CHST9: variants seen among roughly 807,000 people sequenced by gnomAD.
The protein encoded by CHST9 is GalNAc-4-sulfotransferase 2.
CHST9 carries 41 observed loss-of-function variants against 44.4 expected under a neutral mutation model. The ratio of observed to expected loss-of-function variants is 0.92; its 90% CI spans 0.72 to 1.20. The LOEUF (loss-of-function observed/expected upper bound fraction) is 1.20, where lower values mean the gene tolerates loss of function less well. Ranked by LOEUF, CHST9 falls within the 50% of genes most tolerant of loss-of-function variation. The pLI is 0.00. For missense variants in CHST9, 504 were observed against 516.5 expected, an observed-to-expected ratio of 0.98 and a Z score of 0.23; for synonymous variants, 171 against 178.4, an observed-to-expected ratio of 0.96 and a Z score of 0.33.
intron 4 of CHST9, among the ~76,000 whole-genome samples, chr18:27,014,209 T>G (rs2057119199): frequency 6.6e-6 from 1 of 152,056 alleles, no homozygotes; most frequent in Non-Finnish European, 1.5e-5. Context: ...AAAACTAATT[T>G]AAAAGTCAAA....
chr18:26,959,069 G>A (rs1402271017), intron 4 of CHST9, among the ~76,000 whole-genome samples: 1 of 152,050 alleles, frequency 6.6e-6, no homozygotes, highest in Non-Finnish European at 1.5e-5. Flanking sequence ...ATCAACCTAG[G>A]TGCCCATCAA....
intron 5 of CHST9, among the ~76,000 whole-genome samples, chr18:26,931,519 C>G (rs2055877165): frequency 1.3e-5 from 2 of 152,304 alleles, no homozygotes; most frequent in Middle Eastern, 6.8e-3. Context: ...ATTCACAGAC[C>G]TGTGGGAAGA....
chr18:27,072,451 A>C (rs1458151350), intron 2 of CHST9, among the ~76,000 whole-genome samples: 1 of 152,042 alleles, frequency 6.6e-6, no homozygotes, highest in Non-Finnish European at 1.5e-5. Flanking sequence ...TTCCTTAGCA[A>C]CTTCTTGGCA....
chr18:26,922,717 C>A (rs2145063087), intron 5 of CHST9, among the ~76,000 whole-genome samples: 1 of 152,210 alleles, frequency 6.6e-6, no homozygotes, highest in South Asian at 2.1e-4. Flanking sequence ...CTTACTGCAG[C>A]CTCTGCCTCC....
Position 27,143,842 on chromosome 18 carries a change from T to C in CHST9, c.-96-937A>G, listed in dbSNP as rs572141133. On this transcript the variant is annotated intron_variant, in intron 1 of 5. Coordinates refer to ENST00000618847, the MANE Select transcript of CHST9 (RefSeq NM_031422.6). ...AGCATTAGGACAAATACCTAATGTA[T>C]GCGGAGCTTAAATCCTAGATGACGG... Among the ~76,000 whole-genome samples the C allele has an allele frequency of 8.8e-4, 134 of 152,206 alleles. 1 individual carries two copies. The highest frequency in any genetic ancestry group is 2.7e-3 in the African/African-American group (113 of 41,514).
chr18:26,924,545 T>A, intron 5 of CHST9: 1 of 827,166 alleles, frequency 1.2e-6, no homozygotes, highest in Non-Finnish European at 1.5e-6. Flanking sequence ...TTACTCTTAA[T>A]AATGTATCTT....
At chr18:27,075,090 G>A (rs2057887941) in intron 2 of CHST9, among the ~76,000 whole-genome samples, 1 of 150,878 alleles carries the variant, frequency 6.6e-6, no homozygotes, top group Non-Finnish European at 1.5e-5. Flanking sequence ...CTAAATTGGT[G>A]CAGCCATTGC....
At chr18:27,153,459 C>T (rs2143904019) in intron 1 of CHST9, among the ~76,000 whole-genome samples, 1 of 151,848 alleles carries the variant, frequency 6.6e-6, no homozygotes, top group South Asian at 2.1e-4. Context: ...GTCTCTGCCT[C>T]CCACTTCACA....
intron 2 of CHST9, among the ~76,000 whole-genome samples, chr18:27,075,777 T>C (rs1267195972): frequency 6.6e-6 from 1 of 152,172 alleles, no homozygotes; most frequent in Non-Finnish European, 1.5e-5. Context: ...TAAGAATGAC[T>C]AAAATTGATT....
rs1202944467 is a variant in CHST9 at position 26,912,096 on chromosome 18, CCT to C, written c.*4161_*4162del. 1 of 152,126 alleles carries C rather than the reference CCT, an allele frequency of 6.6e-6. No homozygotes were observed. Among genetic ancestry groups the C allele is most frequent in the Non-Finnish European group, 1.5e-5 (1 of 68,022 alleles). 9.4% of individuals were successfully genotyped at this position (152,126 alleles called of 1,614,324 possible). On this transcript the variant is annotated 3_prime_UTR_variant, in exon 6 of 6. Transcript: ENST00000618847. Reference sequence around the variant, plus strand: ...CAGGGGCCTATGTGTGGAAAGTTCGCCTGAACTTTCTTCCTCTTAGATTCTGC... The same window carrying C: ...CAGGGGCCTATGTGTGGAAAGTTCGCGAACTTTCTTCCTCTTAGATTCTGC...
chr18:27,005,930 T>C (rs2057010866), intron 4 of CHST9, among the ~76,000 whole-genome samples: 1 of 152,240 alleles, frequency 6.6e-6, no homozygotes, highest in Admixed American at 6.5e-5. Flanking sequence ...ACTGGGCTAG[T>C]AACTGATTTT....
intron 4 of CHST9, among the ~76,000 whole-genome samples, chr18:27,010,675 G>GTTCC (rs2057072913): frequency 6.6e-6 from 1 of 152,156 alleles, no homozygotes; most frequent in South Asian, 2.1e-4. Flanking sequence ...ACGAGAGAGA[G>GTTCC]TTCCCATCTC....
intron 2 of CHST9, among the ~76,000 whole-genome samples, chr18:27,062,996 G>T (rs2057743653): frequency 6.6e-6 from 1 of 152,112 alleles, no homozygotes; most frequent in Non-Finnish European, 1.5e-5. Context: ...TAGGTCTCTT[G>T]CCTCAGGCCC....
intron 5 of CHST9, chr18:26,936,072 C>T (rs991689167): frequency 1.3e-5 from 2 of 152,102 alleles, no homozygotes; most frequent in African/African-American, 4.8e-5. Context: ...CAGACATACG[C>T]AAAAGGATGC....
At chr18:26,943,617 T>C (rs912322574) in intron 5 of CHST9, among the ~76,000 whole-genome samples, 1 of 152,222 alleles carries the variant, frequency 6.6e-6, no homozygotes, top group African/African-American at 2.4e-5. Context: ...CTGACTCTAG[T>C]GGCACAGGCA....
intron 4 of CHST9, among the ~76,000 whole-genome samples, chr18:27,001,669 C>T (rs935979294): frequency 4.0e-5 from 6 of 151,148 alleles, no homozygotes; most frequent in African/African-American, 1.5e-4. Context: ...CTGGGCACAC[C>T]CTTCCTCAGA....
intron 2 of CHST9, among the ~76,000 whole-genome samples, chr18:27,117,490 A>C (rs539707480): frequency 6.6e-6 from 1 of 152,294 alleles, no homozygotes; most frequent in South Asian, 2.1e-4. Flanking sequence ...ATCTATCATT[A>C]TAGTATCTTA....
chr18:27,078,757 C>T (rs1444171830), intron 2 of CHST9, among the ~76,000 whole-genome samples: 7 of 152,222 alleles, frequency 4.6e-5, no homozygotes, highest in East Asian at 1.9e-4. Flanking sequence ...GGTGGCAGAG[C>T]GTGGCCTTCT....
intron 4 of CHST9, among the ~76,000 whole-genome samples, chr18:26,992,377 G>A (rs1373738117): frequency 1.5e-5 from 1 of 66,998 alleles, no homozygotes; most frequent in Admixed American, 1.9e-4. Context: ...GGGATTGACT[G>A]TCTCTTATTT....
Sources: gnomAD v4.1 joint callset for allele counts (sites outside exome capture counted in the v4.1 genomes callset) on GRCh38, gnomAD v4.1.1 for gene constraint, MANE v1.5 for transcripts, NCBI Gene and HGNC (gene_info 2026-07-23, HGNC 2026-07-21) for gene names.